Variants in GAD1 observed in about 807,000 individuals in gnomAD.
The protein encoded by GAD1 is 67 kDa glutamic acid decarboxylase.
GAD1 carries 35 observed loss-of-function variants against 75.2 expected under a neutral mutation model. The ratio of observed to expected loss-of-function variants is 0.47; its 90% CI spans 0.36 to 0.62. The LOEUF (loss-of-function observed/expected upper bound fraction) is 0.62, where lower values mean the gene tolerates loss of function less well. Ranked by LOEUF, GAD1 falls within the 20% of genes least tolerant of loss-of-function variation. The pLI is 0.00. For missense variants in GAD1, 490 were observed against 758.5 expected (o/e 0.65, Z 4.16); for synonymous variants, 257 against 271.9 (o/e 0.95, Z 0.54).
In GAD1 at chr2:170,829,598, G is replaced by A. The variant is rs372095902; in HGVS notation, c.269G>A (p.Arg90His). 4.5e-5 allele frequency: 72 copies of A among 1,613,498 alleles called. 1 individual carries two copies. Among genetic ancestry groups the A allele is most frequent in the East Asian group, 3.3e-4 (15 of 44,896 alleles). Residue 90 changes from arginine to histidine, a missense_variant, in exon 4 of 17, where the codon CGC becomes CAC. Coordinates refer to ENST00000358196, the MANE Select transcript of GAD1 (RefSeq NM_000817.3). ...ENSDRDARFR[R>H]TETDFSNLFA... ...AGCGACCGGGATGCCCGCTTCCGGC[G>A]CACAGAGACTGACTTCTCTAATCTG...
At chr2:170,830,566 C>T (rs1341062069) in intron 4 of GAD1, among the ~76,000 whole-genome samples, 2 of 152,378 alleles carry the variant, frequency 1.3e-5, no homozygotes, top group Admixed American at 6.5e-5. Flanking sequence ...AGACCAAGCA[C>T]ATCACAACAC....
At chr2:170,839,167 G>A (rs1421754375) in intron 6 of GAD1, among the ~76,000 whole-genome samples, 1 of 152,228 alleles carries the variant, frequency 6.6e-6, no homozygotes, top group African/African-American at 2.4e-5. Flanking sequence ...TTTATTTAGT[G>A]ATAATGCCTG....
chr2:170,848,821 CAT>C, intron 11 of GAD1: 1 of 519,328 alleles, frequency 1.9e-6, no homozygotes, highest in Non-Finnish European at 3.8e-6. Flanking sequence ...CTTGTTGTTA[CAT>C]AAGTTGTTGT....
chr2:170,818,448 TC>T lies in GAD1; in HGVS notation c.-63-79del. 1 of 776,126 alleles carries T rather than the reference TC, an allele frequency of 1.3e-6. No homozygotes were observed. The highest frequency in any genetic ancestry group is 2.3e-6 in the Non-Finnish European group (1 of 431,378). The allele number at this position is 776,126 out of a possible 1,614,324, so 48.1% of individuals were successfully genotyped here. On this transcript the variant is annotated intron_variant, in intron 1 of 16. Coordinates refer to ENST00000358196, the MANE Select transcript of GAD1 (RefSeq NM_000817.3). The surrounding 1 kb of genome is among the most constrained non-coding windows in gnomAD (Gnocchi z 5.9). The stretch of plus-strand genomic sequence containing the variant: ...CAGAGCCGGATCTTCAAGGGGAGCC[TC>T]CGTGCCCCCGGCTGCTCAGTCCCTC...
chr2:170,825,890 C>G (rs1702012881), intron 3 of GAD1, among the ~76,000 whole-genome samples: 1 of 152,088 alleles, frequency 6.6e-6, no homozygotes, highest in Admixed American at 6.5e-5. Context: ...AGGGAGTACA[C>G]TCGGCTTCAT....
chr2:170,855,819 G>A (rs1702838879), intron 14 of GAD1, among the ~76,000 whole-genome samples: 1 of 135,164 alleles, frequency 7.4e-6, no homozygotes, highest in South Asian at 2.3e-4. Flanking sequence ...GTTGCAGTAA[G>A]CCGAGATCAT....
At position 170,859,750 on chromosome 2, in the gene GAD1, G is replaced by GAC; in HGVS notation, c.1654_1655dup (p.Met553ProfsTer36). On this transcript the variant is annotated frameshift_variant, in exon 17 of 17. Coordinates refer to ENST00000358196, the MANE Select transcript of GAD1 (RefSeq NM_000817.3). LOFTEE classifies it high-confidence loss of function. ...AAGCCCTGATGATGGAGTCAGGTAC[G>GAC]ACCATGGTTGGCTACCAGCCCCAAG... 6.2e-7 allele frequency: 1 copy of GAC among 1,614,168 alleles called. No homozygotes were observed. The highest frequency in any genetic ancestry group is 8.5e-7 in the Non-Finnish European group (1 of 1,180,034).
intron 6 of GAD1, among the ~76,000 whole-genome samples, chr2:170,838,847 T>C (rs887843165): frequency 2.0e-5 from 3 of 152,234 alleles, no homozygotes; most frequent in Non-Finnish European, 4.4e-5. Flanking sequence ...CATGTAGTAA[T>C]TGCAGCTGTA....
rs45467694 is a variant in GAD1 at position 170,853,489 on chromosome 2, C to T, written c.1264-384C>T. ...AAAGGTTGGAAGACTTTTGCCAGAG[C>T]GCTTTTGGAGAGAAAAATTCTTCAC... On this transcript the variant is annotated intron_variant, in intron 13 of 16. Transcript: ENST00000358196. This position sits in a 1 kb window ranked among gnomAD's most constrained non-coding sequence, Gnocchi z 4.1. 0.022 allele frequency: 5,752 copies of T among 264,922 alleles called. 218 individuals carry two copies. The highest frequency in any genetic ancestry group is 0.11 in the Admixed American group (2,384 of 21,580). 16.4% of individuals were successfully genotyped at this position (264,922 alleles called of 1,614,324 possible). A position where few individuals can be genotyped will look rare whatever the true frequency, so the allele number is the denominator to read the frequency against.
intron 5 of GAD1, 31 bp downstream of exon 5, chr2:170,831,223 G>A (rs747990804): frequency 6.2e-7 from 1 of 1,612,992 alleles, no homozygotes; most frequent in Non-Finnish European, 8.5e-7. Context: ...GACAGGTAGT[G>A]GCAACTTTGC....
upstream of GAD1, among the ~76,000 whole-genome samples, chr2:170,815,592 G>A (rs558498821): frequency 3.1e-4 from 47 of 152,220 alleles, no homozygotes; most frequent in African/African-American, 1.1e-3. Context: ...GGCCCCAGAC[G>A]TGCGCATAAA....
chr2:170,832,664 G>GCACACACA (rs3049892), intron 5 of GAD1, among the ~76,000 whole-genome samples: 159 of 78,960 alleles, frequency 2.0e-3, no homozygotes, highest in African/African-American at 5.4e-3. Flanking sequence ...GCGCGCGCGC[G>GCACACACA]CACACACACA....
At chr2:170,829,803 C>T in intron 4 of GAD1, 170 bp downstream of exon 4, 1 of 709,624 alleles carries the variant, frequency 1.4e-6, no homozygotes, top group Non-Finnish European at 2.3e-6. Flanking sequence ...TCCCTCCCTC[C>T]CTGCTGGCCA....
Position 170,818,689 on chromosome 2 carries a change from A to G in GAD1, c.82+16A>G, listed in dbSNP as rs747236421. ...CGCCCCACAAGTAGGTCCCGCCCCA[A>G]TTTTCTATCAAATGAACTGCAGGGA... On this transcript the variant is annotated intron_variant, in intron 2 of 16. Coordinates refer to ENST00000358196, the MANE Select transcript of GAD1 (RefSeq NM_000817.3). The surrounding 1 kb of genome is among the most constrained non-coding windows in gnomAD (Gnocchi z 5.9). 22 of 1,612,768 alleles carry G rather than the reference A, an allele frequency of 1.4e-5. No homozygotes were observed. The highest frequency in any genetic ancestry group is 1.1e-5 in the Non-Finnish European group (13 of 1,178,952).
At chr2:170,829,415 C>G in intron 3 of GAD1, 60 bp from the exon 4 acceptor site, 1 of 1,579,656 alleles carries the variant, frequency 6.3e-7, no homozygotes, top group Non-Finnish European at 8.7e-7. Context: ...CACTCTGCAG[C>G]TGACCCTCAG....
intron 11 of GAD1, chr2:170,848,704 G>T (rs1478028849): frequency 1.9e-6 from 1 of 518,432 alleles, no homozygotes; most frequent in Non-Finnish European, 3.8e-6. Flanking sequence ...CTCACAATTG[G>T]CCAATAGGAT....
At chr2:170,841,148 T>C (rs1366062077) in intron 6 of GAD1, among the ~76,000 whole-genome samples, 1 of 152,220 alleles carries the variant, frequency 6.6e-6, no homozygotes, top group Non-Finnish European at 1.5e-5. Context: ...TAGTTTCTGG[T>C]TCTGACTCTG....
chr2:170,826,288 C>T (rs549045547), intron 3 of GAD1, among the ~76,000 whole-genome samples: 4 of 152,150 alleles, frequency 2.6e-5, no homozygotes, highest in South Asian at 2.1e-4. Context: ...GTCGTAGGGC[C>T]GGGCGCAGTG....
chr2:170,825,888 C>T (rs542946301), intron 3 of GAD1, among the ~76,000 whole-genome samples: 3 of 152,142 alleles, frequency 2.0e-5, no homozygotes, highest in Non-Finnish European at 4.4e-5. Flanking sequence ...AGAGGGAGTA[C>T]ACTCGGCTTC....
Sources: gnomAD v4.1 joint callset for allele counts (sites outside exome capture counted in the v4.1 genomes callset) on GRCh38, gnomAD v4.1.1 for gene constraint, Gnocchi (gnomAD v3.1) non-coding constraint, MANE v1.5 for transcripts, NCBI Gene and HGNC (gene_info 2026-07-23, HGNC 2026-07-21) for gene names.